The following STAT3 variants were observed in gnomAD, a reference collection of about 807,000 sequenced individuals.
STAT3 encodes signal transducer and activator of transcription 3, also known as DNA-binding protein APRF.
In STAT3, 7 loss-of-function variants were observed where a neutral mutation model predicts 114.3. That is an observed-to-expected ratio of 0.06 (90% CI 0.03 to 0.11). The LOEUF (loss-of-function observed/expected upper bound fraction) is 0.11, where lower values mean the gene tolerates loss of function less well. STAT3 is among the 10% of genes least tolerant of loss of function. The pLI is 1.00. For synonymous variants in STAT3, 331 were observed against 354.5 expected (o/e 0.93, Z 0.74); for missense variants, 364 against 960.9 (o/e 0.38, Z 8.21).
intron 1 of STAT3, among the ~76,000 whole-genome samples, chr17:42,350,336 C>T (rs2082885655): frequency 6.6e-6 from 1 of 152,160 alleles, no homozygotes; most frequent in Admixed American, 6.6e-5. Context: ...ATGAAAGGTG[C>T]GATCGTGGAA....
intron 14 of STAT3, 55 bp from the exon 15 acceptor site, chr17:42,326,254 T>C (rs1470919265): frequency 7.2e-6 from 11 of 1,532,850 alleles, no homozygotes; most frequent in African/African-American, 5.5e-5. Flanking sequence ...ATGCCTGTAA[T>C]CCCAGCACTT....
chr17:42,355,862 T>G (rs1266855101), intron 1 of STAT3, among the ~76,000 whole-genome samples: 1 of 152,130 alleles, frequency 6.6e-6, no homozygotes, highest in Non-Finnish European at 1.5e-5. Context: ...GTACTTCACA[T>G]CCATGCACTA....
chr17:42,371,676 C>CAAA lies in STAT3; in HGVS notation c.-24+16600_-24+16602dup, dbSNP rs71359559. 4.8e-4 allele frequency among the ~76,000 whole-genome samples: 44 copies of CAAA among 90,982 alleles called. No individual in the cohort carries two copies. In the East Asian group the frequency reaches 7.2e-3, roughly 15 times the overall value. 59.7% of individuals were successfully genotyped at this position (90,982 alleles called of 152,430 possible). On this transcript the variant is annotated intron_variant, in intron 1 of 23. Coordinates refer to ENST00000264657, the MANE Select transcript of STAT3 (RefSeq NM_139276.3). ...GGTCAACAGGAGCAAAACTCTGTCT[C>CAAA]AAAAAAAAAAAAAAAAAAATTGAGG...
chr17:42,348,680 GTTTAT>G (rs2082806472), intron 1 of STAT3, 141 bp from the exon 2 acceptor site: 11 of 1,002,592 alleles, frequency 1.1e-5, no homozygotes, highest in East Asian at 2.6e-5. Context: ...CTTTCTCCCA[GTTTAT>G]TTTATTTTTA....
chr17:42,351,702 A>T (rs1007702430), intron 1 of STAT3, among the ~76,000 whole-genome samples: 1 of 152,206 alleles, frequency 6.6e-6, no homozygotes, highest in African/African-American at 2.4e-5. Context: ...GAATGTCAGA[A>T]TAAGGTATTT....
intron 21 of STAT3, 181 bp from the exon 22 acceptor site, chr17:42,317,405 C>A (rs2081294690): frequency 2.9e-6 from 2 of 697,822 alleles, no homozygotes; most frequent in Non-Finnish European, 5.0e-6. Context: ...TATTTGATCT[C>A]CCAGGCACTA....
At position 42,326,170 on chromosome 17, in the gene STAT3, G is replaced by A. The variant is rs1598399795; in HGVS notation, c.1311C>T (p.His437=). 1 of 1,613,926 alleles carries A rather than the reference G, an allele frequency of 6.2e-7. No homozygotes were observed. Among genetic ancestry groups the A allele is most frequent in the African/African-American group, 1.3e-5 (1 of 75,030 alleles). ...DASLIVTEEL[H]LITFETEVYH... ...ACACCTCGGTCTCAAAGGTGATCAG[G>A]TGCAGCTCCTCAGTCACAATCAGGG... Residue 437 remains histidine (H), a synonymous_variant, in exon 15 of 24, where the codon CAC becomes CAT. Transcript: ENST00000264657.
chr17:42,332,014 G>A (rs1449237821), intron 10 of STAT3, among the ~76,000 whole-genome samples: 2 of 151,098 alleles, frequency 1.3e-5, no homozygotes, highest in African/African-American at 4.9e-5. Context: ...CGCAACCTCC[G>A]CCTCCTGGGT....
At chr17:42,336,959 T>A (rs1485949433) in intron 8 of STAT3, among the ~76,000 whole-genome samples, 1 of 151,960 alleles carries the variant, frequency 6.6e-6, no homozygotes, top group East Asian at 1.9e-4. Context: ...TTTCTCCAAA[T>A]AAAGTAAAAA....
chr17:42,331,802 C>A (rs2082022208), intron 10 of STAT3, among the ~76,000 whole-genome samples: 2 of 152,080 alleles, frequency 1.3e-5, no homozygotes, highest in African/African-American at 4.8e-5. Flanking sequence ...GTAGCATGTA[C>A]CTGTAGTCGC....
Position 42,319,541 on chromosome 17 carries a change from C to CAAAA in STAT3, c.2102-2321_2102-2318dup, listed in dbSNP as rs552897255. ...TGGACGATAGAGCGAGACTCAGGCTCAAAAAAAAAAAAAAAAAAAAAAAAA... is the reference window on the plus strand; with the variant it reads ...TGGACGATAGAGCGAGACTCAGGCTCAAAAAAAAAAAAAAAAAAAAAAAAAAAAA... On this transcript the variant is annotated intron_variant, in intron 21 of 23. Coordinates refer to ENST00000264657, the MANE Select transcript of STAT3 (RefSeq NM_139276.3). Among the ~76,000 whole-genome samples the CAAAA allele has an allele frequency of 5.2e-4, 23 of 43,848 alleles. 2 individuals are homozygous for CAAAA. The highest frequency in any genetic ancestry group is 2.5e-3 in the African/African-American group (21 of 8,506). 28.8% of individuals were successfully genotyped at this position (43,848 alleles called of 152,430 possible).
intron 1 of STAT3, among the ~76,000 whole-genome samples, chr17:42,358,146 C>T (rs1372830589): frequency 6.6e-6 from 1 of 152,144 alleles, no homozygotes; most frequent in African/African-American, 2.4e-5. Flanking sequence ...GGCATGGTGG[C>T]TCATGCCTAT....
At position 42,346,697 on chromosome 17, in the gene STAT3, T is replaced by C; in HGVS notation, c.145A>G (p.Lys49Glu). ...AACACCAAAGTGGCATGTGATTCTT[T>C]GCTGGCCGCATATGCCCTAGGAAAA... is the stretch of plus-strand genomic sequence containing the variant. The part of the protein sequence containing the change: ...ESQDWAYAAS[K>E]ESHATLVFHN... The change falls in exon 3 of 24, where the codon AAA becomes GAA. Residue 49 changes from lysine to glutamate, a missense_variant. Transcript: ENST00000264657. 6.2e-7 allele frequency: 1 copy of C among 1,614,156 alleles called. No homozygotes were observed.
intron 1 of STAT3, chr17:42,387,526 A>G (rs1412878097): frequency 6.6e-6 from 1 of 152,214 alleles, no homozygotes; most frequent in African/African-American, 2.4e-5. Context: ...GGTATTTGGA[A>G]AAGGACAATG....
intron 1 of STAT3, among the ~76,000 whole-genome samples, chr17:42,369,963 T>G (rs2084016639): frequency 6.6e-6 from 1 of 151,912 alleles, no homozygotes; most frequent in South Asian, 2.1e-4. Context: ...ACTTTGGCCA[T>G]GTGTTGGTTT....
chr17:42,331,886 C>A (rs1222297631), intron 10 of STAT3, among the ~76,000 whole-genome samples: 5 of 152,046 alleles, frequency 3.3e-5, no homozygotes, highest in South Asian at 4.1e-4. Context: ...TATGATCATG[C>A]CACTGCACTC....
At chr17:42,360,500 T>A (rs2083459217) in intron 1 of STAT3, among the ~76,000 whole-genome samples, 1 of 151,868 alleles carries the variant, frequency 6.6e-6, no homozygotes, top group South Asian at 2.1e-4. Flanking sequence ...CAGAATTAGC[T>A]GGCCATGGTG....
At chr17:42,357,836 T>C (rs2083301322) in intron 1 of STAT3, among the ~76,000 whole-genome samples, 1 of 152,120 alleles carries the variant, frequency 6.6e-6, no homozygotes, top group South Asian at 2.1e-4. Context: ...CACAATTTCA[T>C]AGTTTTAAGT....
At chr17:42,316,929 G>A (rs1476026433) in intron 22 of STAT3, 28 bp from the exon 23 acceptor site, 2 of 1,602,446 alleles carry the variant, frequency 1.2e-6, no homozygotes, top group Non-Finnish European at 1.7e-6. Context: ...CAGCAGGAGG[G>A]GAAACGGGGG....
Sources: allele counts gnomAD v4.1 joint callset (sites outside exome capture counted in the v4.1 genomes callset), GRCh38; gene constraint gnomAD v4.1.1; transcripts MANE v1.5; gene names NCBI Gene and HGNC (gene_info 2026-07-23, HGNC 2026-07-21).